APBA2: variants seen among roughly 807,000 people sequenced by gnomAD.
The protein encoded by APBA2 is amyloid beta precursor protein binding family A member 2.
A neutral mutation model predicts 75.0 loss-of-function variants in APBA2; 30 were observed. The observed-to-expected ratio is 0.40, with a 90% CI of 0.30 to 0.54. The LOEUF is 0.54. APBA2 is among the 20% of genes least tolerant of loss of function. The pLI is 0.49. For synonymous variants in APBA2, 444 were observed against 409.6 expected (o/e 1.08, Z -1.01); for missense variants, 801 against 1,016.1 (o/e 0.79, Z 2.88).
intron 1 of APBA2, among the ~76,000 whole-genome samples, chr15:28,903,561 T>G (rs1306463459): frequency 6.6e-6 from 1 of 152,172 alleles, no homozygotes; most frequent in African/African-American, 2.4e-5. Flanking sequence ...AAATGAAATA[T>G]TGCCCAGGGA....
At chr15:28,902,994 G>A (rs1250597296) in intron 1 of APBA2, among the ~76,000 whole-genome samples, 5 of 152,164 alleles carry the variant, frequency 3.3e-5, no homozygotes, top group African/African-American at 9.7e-5. Context: ...TGGGTGCTGG[G>A]GGCCATCCCT....
At chr15:28,892,346 A>T (rs1383103312) in intron 1 of APBA2, among the ~76,000 whole-genome samples, 1 of 152,188 alleles carries the variant, frequency 6.6e-6, no homozygotes, top group Non-Finnish European at 1.5e-5. Context: ...AGGTGCTGGG[A>T]TTACAGGCGT....
chr15:29,078,440 G>A (rs1357711146), intron 6 of APBA2, among the ~76,000 whole-genome samples: 1 of 151,786 alleles, frequency 6.6e-6, no homozygotes, highest in Non-Finnish European at 1.5e-5. Flanking sequence ...GTGAAACCCT[G>A]TCTCTACTAA....
In APBA2 at chr15:29,054,295, G is replaced by T. The variant is rs369913636; in HGVS notation, c.411G>T (p.Ala137=). 7 of 1,614,136 alleles carry T rather than the reference G, an allele frequency of 4.3e-6. No individual in the cohort carries two copies. Among genetic ancestry groups the T allele is most frequent in the Non-Finnish European group, 5.1e-6 (6 of 1,180,028 alleles). ...HPVDTDECQE[A]VEEWTDSAGP... ...TGGACACTGATGAGTGCCAGGAGGC[G>T]GTGGAGGAGTGGACGGACTCGGCGG... Residue 137 remains alanine, a synonymous_variant, in exon 4 of 15, where the codon GCG becomes GCT. Coordinates refer to ENST00000683413, the MANE Select transcript of APBA2 (RefSeq NM_001353788.2). The surrounding 1 kb of genome is among the most constrained non-coding windows in gnomAD (Gnocchi z 6.1).
At chr15:28,892,661 G>A (rs1281931749) in intron 1 of APBA2, among the ~76,000 whole-genome samples, 1 of 151,232 alleles carries the variant, frequency 6.6e-6, no homozygotes, top group African/African-American at 2.4e-5. Context: ...GTGTGTGTAT[G>A]TGTACGTATA....
intron 13 of APBA2, among the ~76,000 whole-genome samples, chr15:29,109,617 C>T (rs529938400): frequency 1.0e-3 from 154 of 152,290 alleles, no homozygotes; most frequent in Admixed American, 2.7e-3. Context: ...CTTGTCATTT[C>T]TGCCCACAGC....
intron 2 of APBA2, among the ~76,000 whole-genome samples, chr15:28,988,048 T>A (rs926848934): frequency 6.6e-6 from 1 of 151,444 alleles, no homozygotes; most frequent in African/African-American, 2.4e-5. Flanking sequence ...TGAGCCACCA[T>A]GCCCAGCCTG....
chr15:28,921,367 T>G (rs1265645028), intron 1 of APBA2, among the ~76,000 whole-genome samples: 1 of 152,220 alleles, frequency 6.6e-6, no homozygotes. Context: ...TTGTCCATAC[T>G]CACTGACCTT....
intron 6 of APBA2, among the ~76,000 whole-genome samples, chr15:29,088,287 A>C (rs536343823): frequency 1.3e-5 from 2 of 152,270 alleles, no homozygotes; most frequent in African/African-American, 4.8e-5. Context: ...CCTTCCTTGC[A>C]GACTCATCCA....
chr15:28,964,812 A>AT (rs145167036), intron 2 of APBA2, among the ~76,000 whole-genome samples: 3,816 of 149,638 alleles, frequency 0.026, 162 homozygotes, highest in East Asian at 0.17. Context: ...TTCTAATTAG[A>AT]TTTTTTTTTT....
At chr15:28,997,304 G>A (rs1255795088) in intron 3 of APBA2, among the ~76,000 whole-genome samples, 2 of 152,212 alleles carry the variant, frequency 1.3e-5, no homozygotes, top group Non-Finnish European at 2.9e-5. Context: ...TTATTAATGG[G>A]TTTGGACATA....
chr15:29,028,101 G>T (rs4779700), intron 3 of APBA2, among the ~76,000 whole-genome samples: 55,670 of 151,554 alleles, frequency 0.37, 16,767 homozygotes, highest in African/African-American at 0.8. Context: ...ACCCATCACC[G>T]AGGTATTAAG....
chr15:28,941,503 A>AAAAG (rs1491457455), intron 2 of APBA2, among the ~76,000 whole-genome samples: 6 of 77,164 alleles, frequency 7.8e-5, no homozygotes, highest in Admixed American at 6.0e-4. Context: ...CTTGGGAGGC[A>AAAAG]AAAAAAAAAA....
chr15:28,980,441 T>G (rs2037561924), intron 2 of APBA2, among the ~76,000 whole-genome samples: 1 of 152,176 alleles, frequency 6.6e-6, no homozygotes, highest in South Asian at 2.1e-4. Flanking sequence ...ACCAATAATG[T>G]TCAAGCTGAG....
chr15:29,115,267 G>A (rs939148230), intron 14 of APBA2, among the ~76,000 whole-genome samples: 2 of 151,684 alleles, frequency 1.3e-5, no homozygotes, highest in African/African-American at 4.8e-5. Context: ...CGGGTGGGTG[G>A]AGGGGTCTCT....
At chr15:29,048,264 C>T (rs1331959849) in intron 3 of APBA2, among the ~76,000 whole-genome samples, 1 of 152,152 alleles carries the variant, frequency 6.6e-6, no homozygotes, top group African/African-American at 2.4e-5. Context: ...ACAAGAATCA[C>T]TTTAACCCAG....
At chr15:28,935,837 T>G (rs2034834646) in intron 2 of APBA2, among the ~76,000 whole-genome samples, 1 of 152,216 alleles carries the variant, frequency 6.6e-6, no homozygotes, top group African/African-American at 2.4e-5. Flanking sequence ...TCGCTAAGTT[T>G]TAGACTACTT....
At chr15:28,996,269 A>C (rs1199284641) in intron 3 of APBA2, among the ~76,000 whole-genome samples, 1 of 152,180 alleles carries the variant, frequency 6.6e-6, no homozygotes, top group Admixed American at 6.5e-5. Context: ...TGGCTGGTCT[A>C]CTTTGAGAAG....
chr15:29,031,724 G>T (rs2040497141), intron 3 of APBA2, among the ~76,000 whole-genome samples: 1 of 152,184 alleles, frequency 6.6e-6, no homozygotes, highest in African/African-American at 2.4e-5. Context: ...CCTCTTGCTA[G>T]CTACAGAGTG....
Sources: allele counts gnomAD v4.1 joint callset (sites outside exome capture counted in the v4.1 genomes callset), GRCh38; gene constraint gnomAD v4.1.1; non-coding constraint Gnocchi (gnomAD v3.1); transcripts MANE v1.5; gene names NCBI Gene and HGNC (gene_info 2026-07-23, HGNC 2026-07-21).